The following SPRED2 variants were observed in gnomAD, a reference collection of about 807,000 sequenced individuals.
SPRED2 encodes the protein sprouty related EVH1 domain containing 2, also known as sprouty-related, EVH1 domain-containing protein 2.
A neutral mutation model predicts 43.0 loss-of-function variants in SPRED2; 47 were observed. The ratio of observed to expected loss-of-function variants is 1.09; its 90% confidence interval spans 0.87 to 1.40. The LOEUF (loss-of-function observed/expected upper bound fraction) is 1.40, where lower values mean the gene tolerates loss of function less well. SPRED2 is among the 40% of genes most tolerant of loss of function. The pLI is 0.00. For missense variants in SPRED2, 561 were observed against 586.4 expected, an observed-to-expected ratio of 0.96 and a Z score of 0.45; for synonymous variants, 225 against 225.7, an observed-to-expected ratio of 1.00 and a Z score of 0.03.
chr2:65,382,883 G>A (rs190309720), intron 1 of SPRED2, among the ~76,000 whole-genome samples: 104 of 152,288 alleles, frequency 6.8e-4, no homozygotes, highest in African/African-American at 2.4e-3. Context: ...ACGGTGTGGC[G>A]CAGTAATTCT....
intron 1 of SPRED2, among the ~76,000 whole-genome samples, chr2:65,352,065 C>A (rs1345913643): frequency 6.6e-6 from 1 of 152,198 alleles, no homozygotes; most frequent in Non-Finnish European, 1.5e-5. Context: ...GTGTTAACCA[C>A]CAAAATATGT....
intron 1 of SPRED2, among the ~76,000 whole-genome samples, chr2:65,422,453 T>C (rs997878101): frequency 1.3e-5 from 2 of 152,306 alleles, no homozygotes; most frequent in African/African-American, 4.8e-5. Flanking sequence ...AGGGACTTCC[T>C]GAGCCACAGC....
intron 1 of SPRED2, among the ~76,000 whole-genome samples, chr2:65,417,114 C>G (rs534595130): frequency 1.3e-5 from 2 of 152,126 alleles, no homozygotes; most frequent in African/African-American, 4.8e-5. Context: ...CACCTCCCCC[C>G]ACCCCAGGAG....
intron 1 of SPRED2, among the ~76,000 whole-genome samples, chr2:65,400,500 T>A (rs928779473): frequency 6.6e-6 from 1 of 152,176 alleles, no homozygotes; most frequent in African/African-American, 2.4e-5. Flanking sequence ...TCATCCCCCA[T>A]CTTTTTTATC....
intron 1 of SPRED2, among the ~76,000 whole-genome samples, chr2:65,405,962 C>T (rs945039168): frequency 6.6e-6 from 1 of 152,136 alleles, no homozygotes; most frequent in East Asian, 1.9e-4. Context: ...GGGCAGAACA[C>T]CCCCGCACTT....
intron 1 of SPRED2, among the ~76,000 whole-genome samples, chr2:65,381,366 C>T (rs887886288): frequency 6.6e-6 from 1 of 152,214 alleles, no homozygotes; most frequent in Admixed American, 6.5e-5. Flanking sequence ...AACAGTTAAA[C>T]ACTCGGCAGC....
intron 1 of SPRED2, among the ~76,000 whole-genome samples, chr2:65,385,041 C>T (rs1675463514): frequency 1.4e-5 from 2 of 147,278 alleles, no homozygotes; most frequent in South Asian, 2.1e-4. Context: ...GGCGCCATCT[C>T]GGCTCACTGC....
At chr2:65,323,637 G>C (rs1270129510) in intron 4 of SPRED2, among the ~76,000 whole-genome samples, 1 of 151,860 alleles carries the variant, frequency 6.6e-6, no homozygotes. Flanking sequence ...AGCACTTTGG[G>C]AGGCTGAGGC....
In SPRED2 at chr2:65,323,191, C is replaced by T. The variant is rs112692075; in HGVS notation, c.439-6308G>A. On this transcript the variant is annotated intron_variant, in intron 4 of 5. Transcript: ENST00000356388. Reference sequence around the variant, plus strand: ...TATATTTTTAGTAGAGACAGGGTTTCGCCATGTTGGCCAGGCTGGTCTCCA... The same window carrying T: ...TATATTTTTAGTAGAGACAGGGTTTTGCCATGTTGGCCAGGCTGGTCTCCA... Among the ~76,000 whole-genome samples the T allele has an allele frequency of 5.1e-3, 770 of 152,220 alleles. 2 individuals are homozygous for T. Among genetic ancestry groups the T allele is most frequent in the Non-Finnish European group, 8.2e-3 (561 of 68,012 alleles).
rs111269286 is a variant in SPRED2 at position 65,369,823 on chromosome 2, T to G, written c.27-24927A>C. The stretch of plus-strand genomic sequence containing the variant: ...GGAGTAGTATAGCTTGCTGAAGGCC[T>G]GGCTCCACCTCACTATTTTCAGAGC... On this transcript the variant is annotated intron_variant, in intron 1 of 5. Transcript: ENST00000356388. Among the ~76,000 whole-genome samples, 589 of 152,356 alleles carry G rather than the reference T, an allele frequency of 3.9e-3. 1 individual carries two copies. The highest frequency in any genetic ancestry group is 0.013 in the African/African-American group (552 of 41,584).
intron 1 of SPRED2, among the ~76,000 whole-genome samples, chr2:65,427,252 T>G (rs1676578035): frequency 1.4e-5 from 2 of 142,992 alleles, no homozygotes; most frequent in Non-Finnish European, 2.9e-5. Context: ...TTATTTTTTA[T>G]TTTTTTGGTA....
intron 1 of SPRED2, among the ~76,000 whole-genome samples, chr2:65,410,550 G>C (rs951795129): frequency 2.6e-5 from 4 of 152,170 alleles, no homozygotes; most frequent in Non-Finnish European, 4.4e-5. Context: ...ACAAGGTCAG[G>C]AGATCGAGAC....
At chr2:65,386,575 G>A (rs546823005) in intron 1 of SPRED2, among the ~76,000 whole-genome samples, 1 of 152,176 alleles carries the variant, frequency 6.6e-6, no homozygotes, top group Non-Finnish European at 1.5e-5. Flanking sequence ...ACCCAGAACA[G>A]TGCTGCAAAC....
At chr2:65,361,730 G>T (rs563529338) in intron 1 of SPRED2, among the ~76,000 whole-genome samples, 3 of 152,144 alleles carry the variant, frequency 2.0e-5, no homozygotes, top group Non-Finnish European at 4.4e-5. Context: ...TTTTTCTTTG[G>T]AACAGGTTCC....
intron 1 of SPRED2, among the ~76,000 whole-genome samples, chr2:65,408,480 G>A (rs1047865878): frequency 2.0e-5 from 3 of 152,066 alleles, no homozygotes; most frequent in African/African-American, 7.2e-5. Flanking sequence ...TGATCATAGA[G>A]CTCCAGGCAA....
At chr2:65,401,938 CACACACACA>C (rs1558685733) in intron 1 of SPRED2, among the ~76,000 whole-genome samples, 1 of 32,604 alleles carries the variant, frequency 3.1e-5, no homozygotes, top group Admixed American at 2.5e-4. Flanking sequence ...CGCGCGCGCG[CACACACACA>C]CACACACACA....
rs189985850 is a variant in SPRED2, at chr2:65,318,245, G to A, written c.439-1362C>T. On this transcript the variant is annotated intron_variant, in intron 4 of 5. Coordinates refer to ENST00000356388, the MANE Select transcript of SPRED2 (RefSeq NM_181784.3). ...GATTGTGAGGCCTCCCCAGCCATGC[G>A]GAACTGTAAGTCCAATTAAATCTCT... Among the ~76,000 whole-genome samples, 137 of 152,200 alleles carry A rather than the reference G, an allele frequency of 9.0e-4. 1 individual carries two copies. The highest frequency in any genetic ancestry group is 3.1e-3 in the African/African-American group (129 of 41,508).
chr2:65,313,026 C>T lies in SPRED2; in HGVS notation c.*475G>A, dbSNP rs1332437796. 28 of 986,340 alleles carry T rather than the reference C, an allele frequency of 2.8e-5. No individual in the cohort carries two copies. The highest frequency in any genetic ancestry group is 4.7e-5 in the South Asian group (1 of 21,290). The allele number at this position is 986,340 out of a possible 1,614,324, so 61.1% of individuals were successfully genotyped here. ...TTTCATCATTCTCACATCCCATTTC[C>T]GCTGAACCAGATGCTTGCTAGCGAC... On this transcript the variant is annotated 3_prime_UTR_variant, in exon 6 of 6. Coordinates refer to ENST00000356388, the MANE Select transcript of SPRED2 (RefSeq NM_181784.3).
intron 1 of SPRED2, among the ~76,000 whole-genome samples, chr2:65,426,294 T>TTA (rs140758615): frequency 1.3e-3 from 192 of 151,342 alleles, no homozygotes; most frequent in Middle Eastern, 3.4e-3. Flanking sequence ...CTCAGGAGGC[T>TTA]TATATATATA....
Sources: gnomAD v4.1 joint callset for allele counts (sites outside exome capture counted in the v4.1 genomes callset) on GRCh38, gnomAD v4.1.1 for gene constraint, MANE v1.5 for transcripts, NCBI Gene and HGNC (gene_info 2026-07-23, HGNC 2026-07-21) for gene names.